IFT80: variants seen among roughly 807,000 people sequenced by gnomAD.
The protein encoded by IFT80 is intraflagellar transport 80, also known as intraflagellar transport protein 80 homolog.
A neutral mutation model predicts 107.9 loss-of-function variants in IFT80; 79 were observed. That is an observed-to-expected ratio of 0.73 (90% CI 0.61 to 0.88). IFT80 has a LOEUF of 0.88. IFT80 is among the 40% of genes least tolerant of loss of function. IFT80 has a pLI of 0.00. For synonymous variants in IFT80, 299 were observed against 300.9 expected (o/e 0.99, Z 0.07); for missense variants, 797 against 914.2 (o/e 0.87, Z 1.65).
At chr3:160,293,422 T>C (rs904877205) in intron 12 of IFT80, among the ~76,000 whole-genome samples, 1 of 152,218 alleles carries the variant, frequency 6.6e-6, no homozygotes, top group Non-Finnish European at 1.5e-5. Context: ...GGTAAGAGTA[T>C]AATACTGATA....
intron 2 of IFT80, 46 bp from the exon 3 acceptor site, chr3:160,381,770 C>T: frequency 6.9e-7 from 1 of 1,444,382 alleles, no homozygotes; most frequent in Non-Finnish European, 9.7e-7. Flanking sequence ...AGTCTTTAAT[C>T]TTAATGAATA....
chr3:160,361,362 C>T (rs952016858), intron 6 of IFT80, among the ~76,000 whole-genome samples: 1 of 152,090 alleles, frequency 6.6e-6, no homozygotes, highest in Non-Finnish European at 1.5e-5. Flanking sequence ...ACAGGAGCAC[C>T]CAGATTCATA....
chr3:160,395,424 G>A (rs1008607500), intron 1 of IFT80, among the ~76,000 whole-genome samples: 2 of 152,174 alleles, frequency 1.3e-5, no homozygotes, highest in African/African-American at 4.8e-5. Flanking sequence ...CATATATATA[G>A]TCACTCTTTT....
intron 8 of IFT80, among the ~76,000 whole-genome samples, chr3:160,326,044 T>C (rs115418266): frequency 0.014 from 2,177 of 152,064 alleles, 49 homozygotes; most frequent in African/African-American, 0.045. Context: ...TAAAATTTCA[T>C]CACCCAGGTA....
At chr3:160,324,676 C>T (rs1189408306) in intron 8 of IFT80, among the ~76,000 whole-genome samples, 1 of 152,066 alleles carries the variant, frequency 6.6e-6, no homozygotes, top group Admixed American at 6.6e-5. Flanking sequence ...TAATAGCATA[C>T]TGAATGGGCA....
chr3:160,335,375 G>A (rs972546602), intron 8 of IFT80, among the ~76,000 whole-genome samples: 11 of 151,728 alleles, frequency 7.2e-5, no homozygotes, highest in African/African-American at 2.7e-4. Flanking sequence ...GCACCCGTCA[G>A]CACACCTGGC....
chr3:160,281,585 T>C (rs1021410504), intron 14 of IFT80, among the ~76,000 whole-genome samples: 1 of 152,102 alleles, frequency 6.6e-6, no homozygotes, highest in African/African-American at 2.4e-5. Context: ...AGTCTCTCAA[T>C]ATAAACACTG....
intron 6 of IFT80, among the ~76,000 whole-genome samples, chr3:160,365,817 C>T (rs1012789641): frequency 2.0e-5 from 3 of 151,896 alleles, no homozygotes; most frequent in African/African-American, 7.3e-5. Context: ...TTCTTATTAG[C>T]AAAACTATGC....
rs1553766623 is a variant in IFT80, at chr3:160,381,264, ATT to A, written c.259+237_259+238del. Among the ~76,000 whole-genome samples the A allele has an allele frequency of 1.7e-3, 242 of 140,428 alleles. 13 individuals carry two copies. Among genetic ancestry groups the A allele is most frequent in the Non-Finnish European group, 3.3e-3 (209 of 63,998 alleles). 92.1% of individuals were successfully genotyped at this position (140,428 alleles called of 152,430 possible). A position where few individuals can be genotyped will look rare whatever the true frequency, so the allele number is the denominator to read the frequency against. ...AATATATATATATATATATATATAT[ATT>A]AAAGCCAAAGACCCATATTCAATCC... On this transcript the variant is annotated intron_variant, in intron 3 of 19. Transcript: ENST00000326448.
intron 12 of IFT80, among the ~76,000 whole-genome samples, chr3:160,287,133 TG>T (rs1040456296): frequency 9.8e-5 from 15 of 152,318 alleles, no homozygotes; most frequent in African/African-American, 3.6e-4. Flanking sequence ...TCCTGGTTAG[TG>T]AACACACTGA....
At chr3:160,350,929 T>A (rs1720650674) in intron 8 of IFT80, among the ~76,000 whole-genome samples, 1 of 152,148 alleles carries the variant, frequency 6.6e-6, no homozygotes. Flanking sequence ...GAAAGAAGGC[T>A]GAATTACATG....
At chr3:160,261,213 T>C (rs1559906581) in intron 19 of IFT80, among the ~76,000 whole-genome samples, 1 of 152,082 alleles carries the variant, frequency 6.6e-6, no homozygotes, top group Non-Finnish European at 1.5e-5. Flanking sequence ...ATTCTGATCC[T>C]GTGACACTTT....
intron 8 of IFT80, among the ~76,000 whole-genome samples, chr3:160,335,234 CTTTTTTT>C (rs547574888): frequency 1.5e-5 from 2 of 136,600 alleles, no homozygotes; most frequent in East Asian, 2.1e-4. Context: ...TTCTTTTTTT[CTTTTTTT>C]TTTTTTTGAG....
chr3:160,299,878 T>C (rs1716279612), intron 12 of IFT80, among the ~76,000 whole-genome samples: 1 of 152,154 alleles, frequency 6.6e-6, no homozygotes, highest in Non-Finnish European at 1.5e-5. Flanking sequence ...AATCATTTAC[T>C]CAGGATAAAA....
chr3:160,335,241 T>G (rs563326742), intron 8 of IFT80, among the ~76,000 whole-genome samples: 3 of 151,646 alleles, frequency 2.0e-5, no homozygotes, highest in African/African-American at 7.2e-5. Flanking sequence ...TTTCTTTTTT[T>G]TTTTTTTGAG....
intron 8 of IFT80, among the ~76,000 whole-genome samples, chr3:160,323,632 T>C (rs1307527541): frequency 6.6e-6 from 1 of 151,000 alleles, no homozygotes; most frequent in Non-Finnish European, 1.5e-5. Flanking sequence ...CAAAGCAGTG[T>C]GTAGAGGGAA....
chr3:160,319,419 C>T (rs932270395), intron 9 of IFT80, among the ~76,000 whole-genome samples: 2 of 151,966 alleles, frequency 1.3e-5, no homozygotes, highest in Non-Finnish European at 2.9e-5. Flanking sequence ...GCAGATTAGG[C>T]CTGCCTTGGA....
At chr3:160,391,971 C>T (rs978747542) in intron 1 of IFT80, among the ~76,000 whole-genome samples, 1 of 152,190 alleles carries the variant, frequency 6.6e-6, no homozygotes, top group Admixed American at 6.5e-5. Context: ...ACACAGTAGT[C>T]CCAAATGTCT....
rs1044093472 is a variant in IFT80 at position 160,257,753 on chromosome 3, A to G, written c.*772T>C. ...TATGTACTCGTTAAACAATAACCCC[A>G]CCCCCCATTTCCTCCTCCCTGCAGT... On this transcript the variant is annotated 3_prime_UTR_variant, in exon 20 of 20. Transcript: ENST00000326448. 2 of 151,272 alleles carry G rather than the reference A, an allele frequency of 1.3e-5. No homozygotes were observed. Among genetic ancestry groups the G allele is most frequent in the Non-Finnish European group, 2.9e-5 (2 of 67,898 alleles). 9.4% of individuals were successfully genotyped at this position (151,272 alleles called of 1,614,324 possible).
Sources: allele counts gnomAD v4.1 joint callset (sites outside exome capture counted in the v4.1 genomes callset), GRCh38; gene constraint gnomAD v4.1.1; transcripts MANE v1.5; gene names NCBI Gene and HGNC (gene_info 2026-07-23, HGNC 2026-07-21).